ELAVL2: variants seen among roughly 807,000 people sequenced by gnomAD.
The protein encoded by ELAVL2 is ELAV like RNA binding protein 2.
A neutral mutation model predicts 34.6 loss-of-function variants in ELAVL2; 4 were observed. That is an observed-to-expected ratio of 0.12 (90% CI 0.06 to 0.26). The LOEUF is 0.26. ELAVL2 is among the 10% of genes least tolerant of loss of function. The probability of loss-of-function intolerance (pLI) is 1.00; values close to 1 mark genes in which losing one functional copy is unlikely to be tolerated. For synonymous variants in ELAVL2, 193 were observed against 154.8 expected (o/e 1.25, Z -1.83); for missense variants, 432 against 442.8 (o/e 0.98, Z 0.22).
rs2038758201 is a variant in ELAVL2 at position 23,704,800 on chromosome 9, G to C, written c.487+118C>G. The C allele has an allele frequency of 3.8e-6, 5 of 1,301,094 alleles. No homozygotes were observed. In the South Asian group the frequency reaches 6.0e-5, roughly 16 times the overall value. 80.6% of individuals were successfully genotyped at this position (1,301,094 alleles called of 1,614,324 possible). Reference sequence around the variant, plus strand: ...ATTCCAGCAGAAAATTGCATTTTCTGGCCCACATATACCTTTGATATGTTC... The same window carrying C: ...ATTCCAGCAGAAAATTGCATTTTCTCGCCCACATATACCTTTGATATGTTC... On this transcript the variant is annotated intron_variant, in intron 4 of 6. Transcript: ENST00000397312.
intron 1 of ELAVL2, among the ~76,000 whole-genome samples, chr9:23,784,947 G>A (rs1372921322): frequency 6.6e-6 from 1 of 152,206 alleles, no homozygotes; most frequent in Non-Finnish European, 1.5e-5. Flanking sequence ...AATAAGAAAT[G>A]TAATGAGTTT....
chr9:23,803,524 C>A (rs998016656), intron 1 of ELAVL2, among the ~76,000 whole-genome samples: 2 of 152,182 alleles, frequency 1.3e-5, no homozygotes, highest in Non-Finnish European at 2.9e-5. Flanking sequence ...CTCAAGGCCC[C>A]TTTAGCCACA....
chr9:23,817,345 C>T (rs1413211551), intron 1 of ELAVL2, among the ~76,000 whole-genome samples: 1 of 152,102 alleles, frequency 6.6e-6, no homozygotes, highest in Admixed American at 6.6e-5. Context: ...CTATTTTACT[C>T]CTCAAAGCCC....
At chr9:23,830,626 C>CACACACACACACACCT (rs1491521757), upstream of ELAVL2, among the ~76,000 whole-genome samples, 33 of 72,546 alleles carry the variant, frequency 4.5e-4, no homozygotes, top group African/African-American at 1.1e-3. Context: ...ACACACACAC[C>CACACACACACACACCT]TTTTTTTTTT....
At chr9:23,809,530 T>A (rs1044584855) in intron 1 of ELAVL2, among the ~76,000 whole-genome samples, 6 of 152,182 alleles carry the variant, frequency 3.9e-5, no homozygotes, top group Non-Finnish European at 1.5e-5. Context: ...AAAATTTCCC[T>A]GTAGAGATTG....
At position 23,691,713 on chromosome 9, in the gene ELAVL2, T is replaced by C. The variant is rs1004105032; in HGVS notation, c.*844A>G. The stretch of plus-strand genomic sequence containing the variant: ...CCCCCCATTGATTCTACTCCTTTCA[T>C]ACAAAGATCTCAAAAGTATTTTCTA... On this transcript the variant is annotated 3_prime_UTR_variant, in exon 7 of 7. Transcript: ENST00000397312. The C allele has an allele frequency of 7.9e-5, 12 of 152,608 alleles. No homozygotes were observed. The highest frequency in any genetic ancestry group is 2.9e-4 in the African/African-American group (12 of 41,456). The allele number at this position is 152,608 out of a possible 1,614,324, so 9.5% of individuals were successfully genotyped here. A position where few individuals can be genotyped will look rare whatever the true frequency, so the allele number is the denominator to read the frequency against.
At chr9:23,833,140 T>G in the ELAVL2 span, among the ~76,000 whole-genome samples, 16 of 151,920 alleles carry the variant, frequency 1.1e-4, no homozygotes. Context: ...AAATTTATGG[T>G]TATGTAAGCT....
chr9:23,757,609 A>G (rs977178446), intron 2 of ELAVL2, among the ~76,000 whole-genome samples: 10 of 151,776 alleles, frequency 6.6e-5, no homozygotes, highest in Admixed American at 3.3e-4. Flanking sequence ...AAGGACTCCC[A>G]AGTGCATTTA....
chr9:23,700,219 A>C, intron 5 of ELAVL2, among the ~76,000 whole-genome samples: 1 of 152,214 alleles, frequency 6.6e-6, no homozygotes, highest in Non-Finnish European at 1.5e-5. Flanking sequence ...CTTGGAAATA[A>C]TTTTTAAAAA....
At chr9:23,808,017 G>A (rs747344064) in intron 1 of ELAVL2, among the ~76,000 whole-genome samples, 1 of 152,120 alleles carries the variant, frequency 6.6e-6, no homozygotes, top group African/African-American at 2.4e-5. Flanking sequence ...CCAGATCCAT[G>A]GTGGGATAGA....
At chr9:23,813,206 T>C (rs1482835779) in intron 1 of ELAVL2, among the ~76,000 whole-genome samples, 1 of 152,204 alleles carries the variant, frequency 6.6e-6, no homozygotes. Flanking sequence ...AATTACAGCA[T>C]TGGTCCAAAC....
chr9:23,834,380 A>C, the ELAVL2 span, among the ~76,000 whole-genome samples: 1 of 151,950 alleles, frequency 6.6e-6, no homozygotes, highest in Non-Finnish European at 1.5e-5. Context: ...TTGACTTCAG[A>C]CACATGGATT....
At chr9:23,807,011 G>A (rs1006838815) in intron 1 of ELAVL2, among the ~76,000 whole-genome samples, 2 of 152,210 alleles carry the variant, frequency 1.3e-5, no homozygotes, top group African/African-American at 2.4e-5. Flanking sequence ...TAAAAGCTGT[G>A]ATGAAATAAT....
At chr9:23,798,363 C>T (rs783459) in intron 1 of ELAVL2, among the ~76,000 whole-genome samples, 9,627 of 152,094 alleles carry the variant, frequency 0.063, 959 homozygotes, top group African/African-American at 0.22. Flanking sequence ...GTTCTAATTC[C>T]AGCTCTGTCA....
chr9:23,704,004 C>A (rs1390545921), intron 4 of ELAVL2, among the ~76,000 whole-genome samples: 1 of 152,136 alleles, frequency 6.6e-6, no homozygotes, highest in African/African-American at 2.4e-5. Flanking sequence ...ATGATCTCAG[C>A]TCACCGTGAC....
At chr9:23,709,508 A>G (rs1301737566) in intron 3 of ELAVL2, among the ~76,000 whole-genome samples, 1 of 151,994 alleles carries the variant, frequency 6.6e-6, no homozygotes, top group Non-Finnish European at 1.5e-5. Flanking sequence ...GCACCTACAG[A>G]ATCATACAGG....
rs773315427 is a variant in ELAVL2 at position 23,731,034 on chromosome 9, G to C, written c.321C>G (p.Thr107=). 2.5e-6 allele frequency: 4 copies of C among 1,611,936 alleles called. No homozygotes were observed. Among genetic ancestry groups the C allele is most frequent in the Admixed American group, 3.3e-5 (2 of 59,786 alleles). ...INTLNGLRLQ[T]KTIKVSYARP... is the part of the protein sequence containing the mutation. ...ACTTTAAACATACTTTTATTGTTTTGGTTTGAAGTCTCAATCCATTCAGGG... is the reference window on the plus strand; with the variant it reads ...ACTTTAAACATACTTTTATTGTTTTCGTTTGAAGTCTCAATCCATTCAGGG... The change falls in exon 3 of 7, where the codon ACC becomes ACG. Residue 107 remains threonine (T), a synonymous_variant. Coordinates refer to ENST00000397312, the MANE Select transcript of ELAVL2 (RefSeq NM_004432.5).
upstream of ELAVL2, among the ~76,000 whole-genome samples, chr9:23,830,564 C>T (rs796994723): frequency 4.7e-5 from 7 of 149,906 alleles, no homozygotes; most frequent in East Asian, 4.0e-4. Context: ...ATCTTTGAGA[C>T]CAGCCTAGGT....
intron 1 of ELAVL2, among the ~76,000 whole-genome samples, chr9:23,820,258 C>T (rs976221960): frequency 6.6e-6 from 1 of 152,194 alleles, no homozygotes; most frequent in African/African-American, 2.4e-5. Context: ...TTTAAATGGA[C>T]TGATTCGCCG....
Sources: gnomAD v4.1 joint callset for allele counts (sites outside exome capture counted in the v4.1 genomes callset) on GRCh38, gnomAD v4.1.1 for gene constraint, MANE v1.5 for transcripts, NCBI Gene and HGNC (gene_info 2026-07-23, HGNC 2026-07-21) for gene names.